NAV3: variants seen among roughly 807,000 people sequenced by gnomAD.
The protein encoded by NAV3 is neuron navigator 3, also known as pore membrane and/or filament interacting like protein 1.
NAV3 carries 87 observed loss-of-function variants against 244.7 expected under a neutral mutation model. That is an observed-to-expected ratio of 0.36 (90% CI 0.30 to 0.42). The LOEUF (loss-of-function observed/expected upper bound fraction) is 0.42, where lower values mean the gene tolerates loss of function less well. Ranked by LOEUF, NAV3 falls within the 20% of genes least tolerant of loss-of-function variation. NAV3 has a pLI of 1.00. For synonymous variants in NAV3, 1,126 were observed against 1,042.2 expected, an observed-to-expected ratio of 1.08 and a Z score of -1.55; for missense variants, 2,663 against 2,893.3, an observed-to-expected ratio of 0.92 and a Z score of 1.83.
chr12:77,960,745 A>G (rs1349157617), intron 3 of NAV3, among the ~76,000 whole-genome samples: 1 of 147,508 alleles, frequency 6.8e-6, no homozygotes, highest in African/African-American at 2.5e-5. Context: ...TATCATGTAT[A>G]TAATATATGC....
chr12:78,159,294 C>T lies in NAV3; in HGVS notation c.4869+8C>T, dbSNP rs751198116. 7.4e-6 allele frequency: 12 copies of T among 1,611,416 alleles called. No individual in the cohort carries two copies. The East Asian group carries it at 2.7e-4, about 36-fold the overall frequency. ...ATGACAGCGGAACAAAAGGTATGTTCAGAAATTGCCACTGGAGACTGAAAG... is the reference window on the plus strand; with the variant it reads ...ATGACAGCGGAACAAAAGGTATGTTTAGAAATTGCCACTGGAGACTGAAAG... On this transcript the variant is annotated splice_region_variant and intron_variant, in intron 23 of 39. Coordinates refer to ENST00000397909, the MANE Select transcript of NAV3 (RefSeq NM_001024383.2).
In NAV3 at chr12:78,051,056, C is replaced by A. The variant is rs745756418; in HGVS notation, c.2425C>A (p.Leu809Met). The change falls in exon 11 of 40, where the codon CTG (leucine) becomes ATG (methionine). Residue 809 changes from leucine (L) to methionine (M), a missense_variant. By Grantham distance (15) the Leu-to-Met change is conservative. This residue lies in a region of NAV3 where 1,521 missense variants were observed against 1,497.0 expected (regional missense o/e 1.02). Transcript: ENST00000397909. Reference protein sequence around the residue: ...IDMSEKASSDLDMSSEVDVGG... With the variant: ...IDMSEKASSDMDMSSEVDVGG... ...CATGAGTGAGAAAGCAAGCAGTGACCTGGACATGTCTTCTGAGGTCGATGT... is the reference window on the plus strand; with the variant it reads ...CATGAGTGAGAAAGCAAGCAGTGACATGGACATGTCTTCTGAGGTCGATGT... The A allele has an allele frequency of 1.2e-6, 2 of 1,613,954 alleles. No homozygotes were observed. Among genetic ancestry groups the A allele is most frequent in the Admixed American group, 3.3e-5 (2 of 59,976 alleles).
At chr12:77,594,032 C>T (rs1870050202) in intron 2 of NAV3, among the ~76,000 whole-genome samples, 2 of 152,072 alleles carry the variant, frequency 1.3e-5, no homozygotes, top group Non-Finnish European at 1.5e-5. Flanking sequence ...CTCATTTTCG[C>T]AGGTCTACTT....
At chr12:78,074,338 G>C (rs1371542808) in intron 12 of NAV3, among the ~76,000 whole-genome samples, 1 of 152,180 alleles carries the variant, frequency 6.6e-6, no homozygotes, top group Admixed American at 6.5e-5. Context: ...GAGGGTCACT[G>C]AACCTGTGAA....
intron 1 of NAV3, among the ~76,000 whole-genome samples, chr12:77,928,341 G>T (rs1888435431): frequency 6.6e-6 from 1 of 151,302 alleles, no homozygotes; most frequent in Non-Finnish European, 1.5e-5. Flanking sequence ...GGCTTTAAAT[G>T]AATGCCGAGG....
chr12:77,818,889 G>A (rs907598799), intron 2 of NAV3, among the ~76,000 whole-genome samples: 6 of 151,916 alleles, frequency 3.9e-5, no homozygotes, highest in Admixed American at 3.3e-4. Context: ...TAATGACCAA[G>A]TCAGATTCTT....
At chr12:78,027,946 T>A (rs950931686) in intron 9 of NAV3, among the ~76,000 whole-genome samples, 2 of 152,140 alleles carry the variant, frequency 1.3e-5, no homozygotes, top group African/African-American at 4.8e-5. Context: ...AGGAAGCGTT[T>A]TTTTTTGTTT....
intron 12 of NAV3, among the ~76,000 whole-genome samples, chr12:78,065,442 C>G (rs1203703362): frequency 6.6e-6 from 1 of 152,040 alleles, no homozygotes; most frequent in Non-Finnish European, 1.5e-5. Flanking sequence ...AGAAAACAAG[C>G]CCTGAGAATG....
At chr12:78,143,281 C>T (rs762906237) in intron 20 of NAV3, 10 of 441,780 alleles carry the variant, frequency 2.3e-5, no homozygotes, top group Non-Finnish European at 3.6e-5. Context: ...AAATCACAAG[C>T]CTAACCTGAT....
intron 12 of NAV3, among the ~76,000 whole-genome samples, chr12:78,065,993 C>T (rs2137533433): frequency 6.6e-6 from 1 of 152,208 alleles, no homozygotes; most frequent in Admixed American, 6.5e-5. Context: ...GTGTTAAAAC[C>T]TAGTCCCCCT....
chr12:77,712,191 T>G (rs576445700), intron 2 of NAV3, among the ~76,000 whole-genome samples: 1 of 152,270 alleles, frequency 6.6e-6, no homozygotes, highest in African/African-American at 2.4e-5. Flanking sequence ...AGCGAAAGGG[T>G]TATATTTTTG....
chr12:78,142,757 C>CA (rs1956684581), intron 20 of NAV3, among the ~76,000 whole-genome samples: 1 of 130,234 alleles, frequency 7.7e-6, no homozygotes, highest in African/African-American at 2.9e-5. Context: ...ATTTATAGGC[C>CA]AATATATGGA....
chr12:77,796,950 T>C (rs1871437516), intron 2 of NAV3, among the ~76,000 whole-genome samples: 8 of 152,172 alleles, frequency 5.3e-5, no homozygotes, highest in Admixed American at 5.2e-4. Context: ...CTCACTATCA[T>C]AATATTTACT....
At chr12:77,836,856 G>A (rs908500397) in intron 1 of NAV3, among the ~76,000 whole-genome samples, 6 of 152,070 alleles carry the variant, frequency 3.9e-5, no homozygotes, top group African/African-American at 7.2e-5. Context: ...GAGTAGAGGC[G>A]TTTATGTCCA....
At position 78,160,843 on chromosome 12, in the gene NAV3, T is replaced by C. The variant is rs567015133; in HGVS notation, c.4869+1557T>C. On this transcript the variant is annotated intron_variant, in intron 23 of 39. Transcript: ENST00000397909. ...CTTTTGAAACATAAATTTTCCTTTC[T>C]TTCCTCCCTCCCTCCCTCCTTCCCT... Among the ~76,000 whole-genome samples the C allele has an allele frequency of 4.1e-4, 63 of 151,908 alleles. 1 individual carries two copies. The South Asian group carries it at 0.013, about 31-fold the overall frequency.
intron 2 of NAV3, among the ~76,000 whole-genome samples, chr12:77,613,555 A>G (rs1166632486): frequency 6.6e-6 from 1 of 151,998 alleles, no homozygotes; most frequent in Non-Finnish European, 1.5e-5. Flanking sequence ...TCATTATTTG[A>G]TGTTTGCTTT....
chr12:78,059,617 T>C (rs1884031481), intron 12 of NAV3, among the ~76,000 whole-genome samples: 1 of 152,144 alleles, frequency 6.6e-6, no homozygotes, highest in Non-Finnish European at 1.5e-5. Flanking sequence ...ACTAGGATGA[T>C]TTTCTTTACA....
chr12:77,676,287 G>A (rs1355346985), intron 2 of NAV3, among the ~76,000 whole-genome samples: 1 of 151,794 alleles, frequency 6.6e-6, no homozygotes. Context: ...CTAGCTTTAA[G>A]GCTACTCTCT....
Position 77,882,021 on chromosome 12 carries a change from A to G in NAV3, c.243+50317A>G, listed in dbSNP as rs534907584. Among the ~76,000 whole-genome samples the G allele has an allele frequency of 2.0e-4, 30 of 152,278 alleles. No individual in the cohort carries two copies. The Middle Eastern group carries it at 0.02, about 104-fold the overall frequency. On this transcript the variant is annotated intron_variant, in intron 1 of 39. Transcript: ENST00000397909. Reference sequence around the variant, plus strand: ...CTGCCCAAAGCATTTTAAAGATGCAATGCTATTCCTATCAGACTACGAATG... The same window carrying G: ...CTGCCCAAAGCATTTTAAAGATGCAGTGCTATTCCTATCAGACTACGAATG...
Sources: allele counts gnomAD v4.1 joint callset (sites outside exome capture counted in the v4.1 genomes callset), GRCh38; gene constraint gnomAD v4.1.1; regional missense constraint gnomAD v4.1.1; transcripts MANE v1.5; gene names NCBI Gene and HGNC (gene_info 2026-07-23, HGNC 2026-07-21).